The following SYNPO2 variants were observed in gnomAD, a reference collection of about 807,000 sequenced individuals.
SYNPO2 encodes synaptopodin-2.
SYNPO2 carries 56 observed loss-of-function variants against 85.0 expected under a neutral mutation model. That is an observed-to-expected ratio of 0.66 (90% confidence interval 0.53 to 0.82). SYNPO2 has a LOEUF of 0.82. SYNPO2 is among the 40% of genes least tolerant of loss of function. The pLI, the probability that SYNPO2 is intolerant of heterozygous loss-of-function variation, is 0.00. For missense variants in SYNPO2, 1,575 were observed against 1,534.2 expected (o/e 1.03, Z -0.44); for synonymous variants, 602 against 591.1 (o/e 1.02, Z -0.27).
At chr4:118,927,240 T>C (rs1408897295) in intron 1 of SYNPO2, among the ~76,000 whole-genome samples, 1 of 152,196 alleles carries the variant, frequency 6.6e-6, no homozygotes, top group East Asian at 1.9e-4. Flanking sequence ...ATTTCTGCCA[T>C]GGATATTTTC....
intron 1 of SYNPO2, among the ~76,000 whole-genome samples, chr4:119,006,853 A>G (rs1737049430): frequency 6.6e-6 from 1 of 151,352 alleles, no homozygotes; most frequent in Admixed American, 6.6e-5. Flanking sequence ...TTTATCTTTC[A>G]CTCTACGTTT....
intron 1 of SYNPO2, among the ~76,000 whole-genome samples, chr4:118,947,288 C>G (rs1734541746): frequency 6.6e-6 from 1 of 152,192 alleles, no homozygotes; most frequent in Admixed American, 6.5e-5. Context: ...CAGAGTAATA[C>G]TACCTTTTAT....
At chr4:118,952,127 C>T (rs1247020686) in intron 1 of SYNPO2, among the ~76,000 whole-genome samples, 3 of 152,142 alleles carry the variant, frequency 2.0e-5, no homozygotes. Context: ...AACCTCCCAG[C>T]TCTGGAATAA....
upstream of SYNPO2, among the ~76,000 whole-genome samples, chr4:118,884,960 T>G (rs1732172767): frequency 6.6e-6 from 1 of 152,186 alleles, no homozygotes; most frequent in Non-Finnish European, 1.5e-5. Context: ...ACACCTAACC[T>G]GGACACCAGG....
At chr4:118,920,937 A>G (rs1307505407) in intron 1 of SYNPO2, among the ~76,000 whole-genome samples, 1 of 150,920 alleles carries the variant, frequency 6.6e-6, no homozygotes, top group Non-Finnish European at 1.5e-5. Context: ...TAGCTCTGTC[A>G]CCTATGCTTG....
chr4:118,999,390 G>A (rs1431712827), intron 1 of SYNPO2, among the ~76,000 whole-genome samples: 3 of 152,018 alleles, frequency 2.0e-5, no homozygotes, highest in Admixed American at 6.6e-5. Context: ...GGGTTCAAAC[G>A]ATCCTCCTGC....
chr4:118,884,149 G>T (rs1176127574), upstream of SYNPO2, among the ~76,000 whole-genome samples: 2 of 152,164 alleles, frequency 1.3e-5, no homozygotes, highest in East Asian at 3.8e-4. Context: ...GTTTCTGATT[G>T]AGATATTATC....
At chr4:118,915,084 C>G (rs1733269155) in intron 1 of SYNPO2, among the ~76,000 whole-genome samples, 1 of 150,728 alleles carries the variant, frequency 6.6e-6, no homozygotes, top group Non-Finnish European at 1.5e-5. Context: ...AGCCATAGAT[C>G]ATGAATTTTT....
intron 1 of SYNPO2, among the ~76,000 whole-genome samples, chr4:118,998,777 G>C (rs1736713742): frequency 6.6e-6 from 1 of 152,190 alleles, no homozygotes; most frequent in South Asian, 2.1e-4. Flanking sequence ...GCAACTTTGT[G>C]AGTCTGTGAA....
chr4:118,962,409 A>G (rs10518316), intron 1 of SYNPO2, among the ~76,000 whole-genome samples: 22,833 of 152,116 alleles, frequency 0.15, 1,981 homozygotes, highest in East Asian at 0.28. Flanking sequence ...CAAAATATAA[A>G]CCTAGCGATA....
At chr4:119,032,155 T>C in intron 4 of SYNPO2, 128 bp downstream of exon 4, 1 of 1,483,068 alleles carries the variant, frequency 6.7e-7, no homozygotes, top group Non-Finnish European at 9.0e-7. Context: ...TCAACTTACT[T>C]AATTTCAGAT....
upstream of SYNPO2, among the ~76,000 whole-genome samples, chr4:118,885,429 G>A (rs1319995831): frequency 6.6e-6 from 1 of 151,488 alleles, no homozygotes; most frequent in Non-Finnish European, 1.5e-5. Flanking sequence ...ATGAGGGAAG[G>A]AGCAGATTTC....
At position 119,057,834 on chromosome 4, in the gene SYNPO2, A is replaced by G. The variant is rs1333915383; in HGVS notation, c.3686A>G (p.Asp1229Gly). Residue 1229 changes from aspartate to glycine, a missense_variant, in exon 5 of 5, where the codon GAT (aspartate) becomes GGT (glycine). This residue lies in a region of SYNPO2 where 1,508 missense variants were observed against 1,446.8 expected (regional missense o/e 1.04). Coordinates refer to ENST00000307142, the MANE Select transcript of SYNPO2 (RefSeq NM_133477.3). Reference protein sequence around the residue: ...YAYYRQASRNDSAIMSMETRS... With the variant: ...YAYYRQASRNGSAIMSMETRS... Reference sequence around the variant, plus strand: ...TATTATAGGCAGGCTTCAAGAAATGATTCTGCAATCATGTCCATGGAAACC... The same window carrying G: ...TATTATAGGCAGGCTTCAAGAAATGGTTCTGCAATCATGTCCATGGAAACC... 5 of 1,614,102 alleles carry G rather than the reference A, an allele frequency of 3.1e-6. No individual in the cohort carries two copies. The highest frequency in any genetic ancestry group is 1.7e-5 in the Admixed American group (1 of 60,018).
rs571812059 is a variant in SYNPO2 at position 119,001,190 on chromosome 4, G to A, written c.106-22240G>A. 1.7e-3 allele frequency among the ~76,000 whole-genome samples: 261 copies of A among 152,168 alleles called. 1 individual carries two copies. The highest frequency in any genetic ancestry group is 4.8e-3 in the African/African-American group (199 of 41,490). ...AACCTGTGCAGTGTCCTAGCCCTATGGCCCTTCCATACATAGTTAAAAGAA... is the reference window on the plus strand; with the variant it reads ...AACCTGTGCAGTGTCCTAGCCCTATAGCCCTTCCATACATAGTTAAAAGAA... On this transcript the variant is annotated intron_variant, in intron 1 of 4. Transcript: ENST00000307142.
intron 1 of SYNPO2, among the ~76,000 whole-genome samples, chr4:118,927,210 G>C (rs1276776054): frequency 6.6e-6 from 1 of 151,984 alleles, no homozygotes; most frequent in African/African-American, 2.4e-5. Flanking sequence ...AGCAGGTTCT[G>C]GGCAGAGAGG....
chr4:118,899,902 C>T (rs920092939), intron 1 of SYNPO2, among the ~76,000 whole-genome samples: 3 of 152,150 alleles, frequency 2.0e-5, no homozygotes, highest in Non-Finnish European at 1.5e-5. Context: ...GCTGGGATTA[C>T]AGGCACCTGC....
chr4:118,882,963 A>G (rs918791743), intron 1 of SYNPO2, among the ~76,000 whole-genome samples: 2 of 151,496 alleles, frequency 1.3e-5, no homozygotes, highest in Non-Finnish European at 2.9e-5. Context: ...GGGTTTCACT[A>G]TGTTAGCCAG....
intron 1 of SYNPO2, among the ~76,000 whole-genome samples, chr4:118,980,644 T>G (rs1179776271): frequency 2.0e-5 from 3 of 152,190 alleles, no homozygotes; most frequent in African/African-American, 7.2e-5. Context: ...GATTAATAAG[T>G]GTCAGCATCA....
chr4:118,943,934 T>C (rs1734411298), intron 1 of SYNPO2, among the ~76,000 whole-genome samples: 1 of 152,210 alleles, frequency 6.6e-6, no homozygotes, highest in South Asian at 2.1e-4. Context: ...GTTATGTTGC[T>C]TTCAGTGCTA....
Sources: allele counts gnomAD v4.1 joint callset (sites outside exome capture counted in the v4.1 genomes callset), GRCh38; gene constraint gnomAD v4.1.1; regional missense constraint gnomAD v4.1.1; transcripts MANE v1.5; gene names NCBI Gene and HGNC (gene_info 2026-07-23, HGNC 2026-07-21).